Variants in MTSS1 observed in about 807,000 individuals in gnomAD.
The protein encoded by MTSS1 is MTSS I-BAR domain containing 1.
A neutral mutation model predicts 79.0 loss-of-function variants in MTSS1; 18 were observed. The observed-to-expected ratio is 0.23, with a 90% CI of 0.16 to 0.34. The LOEUF (loss-of-function observed/expected upper bound fraction) is 0.34. Among genes scored for constraint, MTSS1 ranks in the 10% least tolerant of loss-of-function variants. The pLI, the probability that MTSS1 is intolerant of heterozygous loss-of-function variation, is 1.00. For missense variants in MTSS1, 815 were observed against 986.2 expected (o/e 0.83, Z 2.33); for synonymous variants, 341 against 368.6 (o/e 0.93, Z 0.86).
At chr8:124,671,101 G>GT (rs1216087282) in intron 3 of MTSS1, among the ~76,000 whole-genome samples, 1 of 151,592 alleles carries the variant, frequency 6.6e-6, no homozygotes, top group East Asian at 1.9e-4. Flanking sequence ...GCTCATTGGG[G>GT]TAGATTGCTC....
At chr8:124,558,301 G>A (rs532817116) in intron 10 of MTSS1, among the ~76,000 whole-genome samples, 3 of 144,950 alleles carry the variant, frequency 2.1e-5, no homozygotes, top group East Asian at 4.1e-4. Context: ...CATTGCTCAG[G>A]AGCACATTCT....
chr8:124,714,362 C>T (rs912555095), intron 1 of MTSS1, among the ~76,000 whole-genome samples: 1 of 152,218 alleles, frequency 6.6e-6, no homozygotes, highest in African/African-American at 2.4e-5. Flanking sequence ...GTAATTTGCC[C>T]AAAGTCAGGG....
chr8:124,709,136 A>G (rs1390393183), intron 1 of MTSS1, among the ~76,000 whole-genome samples: 3 of 152,206 alleles, frequency 2.0e-5, no homozygotes, highest in Non-Finnish European at 2.9e-5. Context: ...CAGCAGAGAA[A>G]AAGTCCTGCC....
Position 124,623,368 on chromosome 8 carries a change from G to A in MTSS1, c.209-32133C>T, listed in dbSNP as rs569899699. 4.6e-5 allele frequency among the ~76,000 whole-genome samples: 7 copies of A among 152,306 alleles called. No homozygotes were observed. In the East Asian group the frequency reaches 1.2e-3, roughly 25 times the overall value. ...CACCTTTGTGAGCAGCAACAGGAAAGGCAAAAATTATTGGAAAATGTGGTT... is the reference window on the plus strand; with the variant it reads ...CACCTTTGTGAGCAGCAACAGGAAAAGCAAAAATTATTGGAAAATGTGGTT... On this transcript the variant is annotated intron_variant, in intron 3 of 13. Transcript: ENST00000518547.
intron 3 of MTSS1, among the ~76,000 whole-genome samples, chr8:124,681,483 T>A (rs1826118358): frequency 6.6e-6 from 1 of 152,208 alleles, no homozygotes; most frequent in Non-Finnish European, 1.5e-5. Flanking sequence ...AAATCAACAG[T>A]ATCTCTCTCA....
At chr8:124,719,484 G>A (rs1832600598) in intron 1 of MTSS1, among the ~76,000 whole-genome samples, 1 of 152,132 alleles carries the variant, frequency 6.6e-6, no homozygotes, top group African/African-American at 2.4e-5. Flanking sequence ...CTATGGTGGT[G>A]TGGATTACAC....
intron 6 of MTSS1, among the ~76,000 whole-genome samples, chr8:124,581,971 GAC>G (rs1315737055): frequency 6.6e-6 from 1 of 152,154 alleles, no homozygotes; most frequent in Non-Finnish European, 1.5e-5. Context: ...GGGCTCAAGA[GAC>G]ACTGTTCAGA....
chr8:124,612,327 C>T (rs906778818), intron 3 of MTSS1, among the ~76,000 whole-genome samples: 10 of 152,128 alleles, frequency 6.6e-5, no homozygotes, highest in African/African-American at 1.9e-4. Context: ...AACTGGCAGC[C>T]GCCATTTCCA....
chr8:124,663,497 C>T (rs1162335374), intron 3 of MTSS1, among the ~76,000 whole-genome samples: 2 of 152,214 alleles, frequency 1.3e-5, no homozygotes, highest in East Asian at 1.9e-4. Context: ...AGCCCAGAAC[C>T]CCCACCCGCC....
chr8:124,603,165 A>C lies in MTSS1; in HGVS notation c.209-11930T>G, dbSNP rs143981809. On this transcript the variant is annotated intron_variant, in intron 3 of 13. Coordinates refer to ENST00000518547, the MANE Select transcript of MTSS1 (RefSeq NM_014751.6). ...CTCAGCCTCCCAAGTATCTGGGATT[A>C]CAGGCGTGCGCCACCACTCCTGGCT... Among the ~76,000 whole-genome samples the C allele has an allele frequency of 6.7e-3, 1,025 of 152,342 alleles. 9 individuals carry two copies. The highest frequency in any genetic ancestry group is 0.023 in the African/African-American group (951 of 41,578).
At chr8:124,592,772 G>A (rs1832075391) in intron 3 of MTSS1, among the ~76,000 whole-genome samples, 1 of 152,248 alleles carries the variant, frequency 6.6e-6, no homozygotes, top group South Asian at 2.1e-4. Context: ...TGACATCCTG[G>A]GCTGAATGTT....
chr8:124,631,190 C>G (rs886270167), intron 3 of MTSS1, among the ~76,000 whole-genome samples: 1 of 152,160 alleles, frequency 6.6e-6, no homozygotes, highest in Non-Finnish European at 1.5e-5. Flanking sequence ...AGGTGGGGCA[C>G]GGGGACAGGC....
chr8:124,603,608 G>T (rs1018507014), intron 3 of MTSS1, among the ~76,000 whole-genome samples: 6 of 152,186 alleles, frequency 3.9e-5, no homozygotes, highest in African/African-American at 1.4e-4. Flanking sequence ...GAAGAAAGTG[G>T]CATCATTTGA....
chr8:124,654,957 T>G (rs1820667440), intron 3 of MTSS1, among the ~76,000 whole-genome samples: 1 of 152,186 alleles, frequency 6.6e-6, no homozygotes, highest in Admixed American at 6.5e-5. Context: ...ATGCCGAAAC[T>G]TCTAACTAAT....
chr8:124,580,715 G>A, intron 6 of MTSS1: 1 of 799,992 alleles, frequency 1.3e-6, no homozygotes, highest in South Asian at 1.7e-5. Context: ...TTCTATTAGG[G>A]CTGATTAAAC....
chr8:124,632,760 T>C (rs1036567270), intron 3 of MTSS1, among the ~76,000 whole-genome samples: 2 of 152,214 alleles, frequency 1.3e-5, no homozygotes. Context: ...CTCTGCCTCC[T>C]GAGTTCAAGC....
intron 3 of MTSS1, among the ~76,000 whole-genome samples, chr8:124,697,291 G>C (rs1436754207): frequency 5.3e-5 from 8 of 151,880 alleles, no homozygotes; most frequent in Non-Finnish European, 2.9e-5. Context: ...CAGGCACGGT[G>C]GCTCACGCCT....
Position 124,607,998 on chromosome 8 carries a change from G to A in MTSS1, c.209-16763C>T, listed in dbSNP as rs567090586. Among the ~76,000 whole-genome samples, 5 of 152,208 alleles carry A rather than the reference G, an allele frequency of 3.3e-5. No homozygotes were observed. In the South Asian group the frequency reaches 1.0e-3, roughly 32 times the overall value. ...TCCTCAGTGGTTAGAAGCCACTGCTGGAAGTGGAAGATAAAATGTGTATTC... is the reference window on the plus strand; with the variant it reads ...TCCTCAGTGGTTAGAAGCCACTGCTAGAAGTGGAAGATAAAATGTGTATTC... On this transcript the variant is annotated intron_variant, in intron 3 of 13. Transcript: ENST00000518547.
chr8:124,695,864 G>GTTT (rs144960393), intron 3 of MTSS1, among the ~76,000 whole-genome samples: 9,343 of 120,066 alleles, frequency 0.078, 435 homozygotes, highest in African/African-American at 0.15. Context: ...GAAAACTAGT[G>GTTT]TTGTTTTTTT....
Sources: allele counts gnomAD v4.1 joint callset (sites outside exome capture counted in the v4.1 genomes callset), GRCh38; gene constraint gnomAD v4.1.1; transcripts MANE v1.5; gene names NCBI Gene and HGNC (gene_info 2026-07-23, HGNC 2026-07-21).